Variants in RP1 observed in about 807,000 individuals in gnomAD.
RP1 encodes the protein oxygen-regulated protein 1.
In RP1, 16 loss-of-function variants were observed where a neutral mutation model predicts 14.8. The ratio of observed to expected loss-of-function variants is 1.08; its 90% CI spans 0.73 to 1.65. The LOEUF (loss-of-function observed/expected upper bound fraction) is 1.65, where lower values mean the gene tolerates loss of function less well. RP1 is among the 40% of genes most tolerant of loss of function. RP1 has a pLI of 0.00. For missense variants in RP1, 2,631 were observed against 2,535.0 expected, an observed-to-expected ratio of 1.04 and a Z score of -0.81; for synonymous variants, 876 against 883.6, an observed-to-expected ratio of 0.99 and a Z score of 0.15.
chr8:54,791,530 T>C (rs572212490), intron 24 of RP1, among the ~76,000 whole-genome samples: 12 of 152,234 alleles, frequency 7.9e-5, no homozygotes, highest in Non-Finnish European at 7.4e-5. Context: ...CTAACAACAA[T>C]AACTTGCTAT....
intron 7 of RP1, among the ~76,000 whole-genome samples, chr8:54,670,789 C>G (rs901094497): frequency 6.1e-5 from 9 of 147,532 alleles, no homozygotes; most frequent in Non-Finnish European, 1.2e-4. Flanking sequence ...GAATTAAACT[C>G]TATTTTGTCT....
chr8:54,747,601 T>G (rs1430787827), intron 19 of RP1, among the ~76,000 whole-genome samples: 2 of 152,232 alleles, frequency 1.3e-5, no homozygotes, highest in South Asian at 2.1e-4. Flanking sequence ...TAACAAATAT[T>G]TATAATATGT....
At chr8:54,820,686 C>T (rs983435843) in intron 24 of RP1, among the ~76,000 whole-genome samples, 8 of 152,112 alleles carry the variant, frequency 5.3e-5, no homozygotes, top group African/African-American at 7.2e-5. Context: ...ATTGTCTTTT[C>T]GGCCATCTTC....
chr8:54,852,591 C>T (rs910811089), exon 26 of RP1: 94 of 1,231,658 alleles, frequency 7.6e-5, no homozygotes, highest in African/African-American at 1.4e-4. Context: ...TTATGAGATT[C>T]GCATATACAC....
At chr8:54,771,862 T>G (rs1451394964), downstream of RP1, among the ~76,000 whole-genome samples, 3 of 152,084 alleles carry the variant, frequency 2.0e-5, no homozygotes, top group African/African-American at 7.2e-5. Flanking sequence ...ACATTGTGGT[T>G]AAGAATGTTG....
intron 16 of RP1, chr8:54,720,416 T>C: frequency 1.0e-6 from 1 of 989,198 alleles, no homozygotes; most frequent in Non-Finnish European, 1.4e-6. Flanking sequence ...CTGCTAGGCT[T>C]TTTTGTTTGT....
At chr8:54,764,343 G>T (rs146490251) in intron 22 of RP1, among the ~76,000 whole-genome samples, 1 of 152,328 alleles carries the variant, frequency 6.6e-6, no homozygotes, top group African/African-American at 2.4e-5. Context: ...AGCTGGTGCT[G>T]TTGGATCTGA....
chr8:54,682,759 G>A (rs772539733), intron 12 of RP1, among the ~76,000 whole-genome samples: 9 of 151,782 alleles, frequency 5.9e-5, no homozygotes, highest in South Asian at 2.1e-4. Context: ...TTCTGTTCAC[G>A]CTGATGATAG....
intron 1 of RP1, among the ~76,000 whole-genome samples, chr8:54,616,962 C>T (rs1043543079): frequency 1.3e-5 from 2 of 152,112 alleles, no homozygotes; most frequent in African/African-American, 2.4e-5. Flanking sequence ...AGCCTAGCCA[C>T]AGTTGAGCCT....
intron 3 of RP1, among the ~76,000 whole-genome samples, chr8:54,638,451 A>C (rs1040235903): frequency 6.6e-6 from 1 of 152,048 alleles, no homozygotes; most frequent in Non-Finnish European, 1.5e-5. Flanking sequence ...AAAAAAAAAA[A>C]AACATACCGT....
exon 25 of RP1, chr8:54,837,610 A>G: frequency 8.1e-7 from 1 of 1,232,082 alleles, no homozygotes; most frequent in East Asian, 3.2e-5. Flanking sequence ...GAGAATGAAA[A>G]TGATGGCGAT....
At chr8:54,593,630 TGAAGG>T (rs1805084758) in intron 1 of RP1, among the ~76,000 whole-genome samples, 2 of 152,170 alleles carry the variant, frequency 1.3e-5, no homozygotes, top group South Asian at 4.2e-4. Flanking sequence ...GGCTGCACTG[TGAAGG>T]GAACAGGAAA....
rs564505128 is a variant in RP1 at position 54,602,257 on chromosome 8, A to G, written c.-12-18698A>G. 4.5e-4 allele frequency among the ~76,000 whole-genome samples: 68 copies of G among 152,188 alleles called. No individual in the cohort carries two copies. The South Asian group carries it at 0.011, about 25-fold the overall frequency. ...TGTGTCCATGTGTTCTCATTGTTCAATTACCACCTATGAGTGAGAACATGC... is the reference window on the plus strand; with the variant it reads ...TGTGTCCATGTGTTCTCATTGTTCAGTTACCACCTATGAGTGAGAACATGC... On this transcript the variant is annotated intron_variant, in intron 1 of 22. Coordinates refer to the RP1 transcript ENST00000636932.
At chr8:54,708,560 C>T (rs146950847) in intron 15 of RP1, among the ~76,000 whole-genome samples, 4 of 152,148 alleles carry the variant, frequency 2.6e-5, no homozygotes, top group South Asian at 2.1e-4. Context: ...GGTGTTTCAC[C>T]GTGTTAGCCA....
intron 24 of RP1, among the ~76,000 whole-genome samples, chr8:54,814,185 T>C (rs4737699): frequency 0.3 from 46,156 of 152,064 alleles, 7,187 homozygotes; most frequent in South Asian, 0.37. Flanking sequence ...ATGTAAGATT[T>C]GGTTAGTTTT....
At chr8:54,694,828 T>G (rs536439901) in intron 12 of RP1, among the ~76,000 whole-genome samples, 4,447 of 136,806 alleles carry the variant, frequency 0.033, 114 homozygotes, top group African/African-American at 0.073. Context: ...CTTCAGTTCT[T>G]CTCTGATTTT....
At position 54,855,934 on chromosome 8, in the gene RP1, T is replaced by TAC. The variant is rs759603043; in HGVS notation, c.3991-1057_3991-1056dup. ...TATTTTTAGGAAGTGAGACTTACTA[T>TAC]ACACACACACACACACACACACACA... On this transcript the variant is annotated intron_variant, in intron 26 of 28. Transcript: ENST00000637698. Among the ~76,000 whole-genome samples the TAC allele has an allele frequency of 6.5e-3, 377 of 57,834 alleles. 2 individuals are homozygous for TAC. Among genetic ancestry groups the TAC allele is most frequent in the African/African-American group, 0.014 (231 of 16,434 alleles). The allele number at this position is 57,834 out of a possible 152,430, so 37.9% of individuals were successfully genotyped here.
intron 26 of RP1, among the ~76,000 whole-genome samples, chr8:54,853,159 C>A (rs1812094426): frequency 1.3e-5 from 2 of 152,098 alleles, no homozygotes; most frequent in South Asian, 4.1e-4. Flanking sequence ...AATCAAGAAG[C>A]CAGTCAGAAA....
rs1243421678 is a variant in RP1 at position 54,768,999 on chromosome 8, C to T, written c.3249-742C>T. Among the ~76,000 whole-genome samples, 4 of 151,758 alleles carry T rather than the reference C, an allele frequency of 2.6e-5. No homozygotes were observed. The East Asian group carries it at 7.8e-4, about 30-fold the overall frequency. On this transcript the variant is annotated intron_variant, in intron 22 of 22. Coordinates refer to the RP1 transcript ENST00000636932. The stretch of plus-strand genomic sequence containing the variant: ...GCAAGCTCTGCCTCCCAGGTTCACG[C>T]CTTCTCCTGCCTCAGCCTCCTGAGT...
Sources: gnomAD v4.1 joint callset for allele counts (sites outside exome capture counted in the v4.1 genomes callset) on GRCh38, gnomAD v4.1.1 for gene constraint, MANE v1.5 for transcripts, NCBI Gene and HGNC (gene_info 2026-07-23, HGNC 2026-07-21) for gene names.